OSBPL10: variants seen among roughly 807,000 people sequenced by gnomAD.
OSBPL10 encodes oxysterol binding protein like 10, also known as oxysterol-binding protein-related protein 10.
In OSBPL10, 49 loss-of-function variants were observed where a neutral mutation model predicts 81.7. The ratio of observed to expected loss-of-function variants is 0.60; its 90% confidence interval spans 0.48 to 0.76. The LOEUF (loss-of-function observed/expected upper bound fraction) is 0.76. OSBPL10 is among the 30% of genes least tolerant of loss of function. OSBPL10 has a pLI of 0.00. For missense variants in OSBPL10, 923 were observed against 987.8 expected, an observed-to-expected ratio of 0.93 and a Z score of 0.88; for synonymous variants, 419 against 383.6, an observed-to-expected ratio of 1.09 and a Z score of -1.08.
chr3:31,747,499 A>AC (rs1697563226), intron 5 of OSBPL10, among the ~76,000 whole-genome samples: 1 of 151,334 alleles, frequency 6.6e-6, no homozygotes, highest in Non-Finnish European at 1.5e-5. Flanking sequence ...AAAAAAAAAA[A>AC]AAAAAAAAAA....
chr3:31,838,143 C>T (rs181966147), intron 3 of OSBPL10, among the ~76,000 whole-genome samples: 75 of 152,240 alleles, frequency 4.9e-4, no homozygotes, highest in African/African-American at 1.6e-3. Context: ...AATGGAAATA[C>T]GCACACATAC....
At chr3:31,835,572 T>C (rs1160092183) in intron 3 of OSBPL10, among the ~76,000 whole-genome samples, 1 of 152,212 alleles carries the variant, frequency 6.6e-6, no homozygotes, top group African/African-American at 2.4e-5. Flanking sequence ...AAATGACATT[T>C]ACTTTGGAAC....
intron 5 of OSBPL10, among the ~76,000 whole-genome samples, chr3:31,743,747 AGACGGGCCTTCCTGCCC>A (rs1222438965): frequency 2.0e-5 from 3 of 152,236 alleles, no homozygotes; most frequent in African/African-American, 4.8e-5. Flanking sequence ...GCTTCAGGTA[AGACGGGCCTTCCTGCCC>A]ATCGAACACT....
intron 1 of OSBPL10, among the ~76,000 whole-genome samples, chr3:32,067,589 C>A (rs1298344550): frequency 6.6e-6 from 1 of 152,172 alleles, no homozygotes; most frequent in Non-Finnish European, 1.5e-5. Flanking sequence ...TGATGACATT[C>A]CACCATTGTG....
At chr3:31,731,663 A>AT (rs1484941920) in intron 6 of OSBPL10, among the ~76,000 whole-genome samples, 1 of 151,690 alleles carries the variant, frequency 6.6e-6, no homozygotes, top group African/African-American at 2.4e-5. Context: ...TAATTTTTGT[A>AT]TTTTTAGTAG....
intron 1 of OSBPL10, among the ~76,000 whole-genome samples, chr3:32,059,327 G>A (rs556222570): frequency 4.7e-5 from 7 of 149,890 alleles, no homozygotes; most frequent in East Asian, 2.0e-4. Context: ...AGTGGCTCAC[G>A]CCTGTAATCC....
At chr3:31,700,531 C>T (rs1281295293) in intron 7 of OSBPL10, 1 of 152,088 alleles carries the variant, frequency 6.6e-6, no homozygotes, top group Admixed American at 6.6e-5. Context: ...TTACCCAGTA[C>T]ACATGTATCA....
At chr3:31,738,538 C>T (rs889413663) in intron 5 of OSBPL10, among the ~76,000 whole-genome samples, 2 of 152,142 alleles carry the variant, frequency 1.3e-5, no homozygotes, top group Non-Finnish European at 2.9e-5. Context: ...AAATGTCTTT[C>T]CCCGGTAAGA....
chr3:31,962,922 A>C (rs1004810575), intron 1 of OSBPL10, among the ~76,000 whole-genome samples: 1 of 152,248 alleles, frequency 6.6e-6, no homozygotes, highest in Non-Finnish European at 1.5e-5. Flanking sequence ...TGGATCTTGC[A>C]ATACAATGAC....
At chr3:31,663,392 T>TA in intron 11 of OSBPL10, 1 of 986,620 alleles carries the variant, frequency 1.0e-6, no homozygotes, top group Non-Finnish European at 1.2e-6. Flanking sequence ...GGGCCTGCTT[T>TA]AAGACGTGTG....
intron 7 of OSBPL10, among the ~76,000 whole-genome samples, chr3:31,690,551 C>T (rs1452324430): frequency 6.6e-6 from 1 of 152,182 alleles, no homozygotes; most frequent in Non-Finnish European, 1.5e-5. Context: ...ACTGGGAATG[C>T]AATACCTGAG....
At chr3:31,823,116 T>G (rs1700020243) in intron 4 of OSBPL10, among the ~76,000 whole-genome samples, 1 of 152,120 alleles carries the variant, frequency 6.6e-6, no homozygotes, top group Non-Finnish European at 1.5e-5. Context: ...GTCATCTAGA[T>G]GTACACTCAC....
chr3:31,769,653 G>C (rs1314853645), intron 4 of OSBPL10, among the ~76,000 whole-genome samples: 1 of 150,964 alleles, frequency 6.6e-6, no homozygotes, highest in African/African-American at 2.4e-5. Context: ...GACTGTAGCT[G>C]TGCAGACTAC....
At chr3:31,725,090 T>C (rs1265160069) in intron 6 of OSBPL10, among the ~76,000 whole-genome samples, 1 of 152,194 alleles carries the variant, frequency 6.6e-6, no homozygotes, top group Non-Finnish European at 1.5e-5. Context: ...AGAATAATTA[T>C]AACTATTATG....
intron 2 of OSBPL10, among the ~76,000 whole-genome samples, chr3:32,026,058 G>GATA (rs1699406923): frequency 1.2e-4 from 2 of 16,800 alleles, no homozygotes; most frequent in African/African-American, 4.4e-4. Flanking sequence ...ATAGATAGAT[G>GATA]ATAGATAGAT....
chr3:31,977,507 C>T, intron 1 of OSBPL10, among the ~76,000 whole-genome samples: 1 of 152,166 alleles, frequency 6.6e-6, no homozygotes, highest in East Asian at 1.9e-4. Context: ...CAACTAGGTG[C>T]TAGGTCATCT....
chr3:31,969,039 C>A lies in OSBPL10; in HGVS notation c.281+11860G>T, dbSNP rs6787675. ...GCCACTAAATGAGTCTGCTGCAGTA[C>A]ACACACAAAAAAGTTCTGTGCTGTG... On this transcript the variant is annotated intron_variant, in intron 1 of 11. Coordinates refer to ENST00000396556, the MANE Select transcript of OSBPL10 (RefSeq NM_017784.5). Among the ~76,000 whole-genome samples, 1,371 of 152,242 alleles carry A rather than the reference C, an allele frequency of 9.0e-3. 15 individuals are homozygous for A. The highest frequency in any genetic ancestry group is 0.031 in the African/African-American group (1,294 of 41,550).
At chr3:31,670,770 G>GCCAGAGTC in intron 9 of OSBPL10, 27 bp downstream of exon 9, 1 of 1,596,976 alleles carries the variant, frequency 6.3e-7, no homozygotes, top group Non-Finnish European at 8.6e-7. Context: ...TTAAGACAAA[G>GCCAGAGTC]CCAGAGTCTC....
At chr3:31,914,850 C>A (rs1213028710) in intron 1 of OSBPL10, among the ~76,000 whole-genome samples, 2 of 152,212 alleles carry the variant, frequency 1.3e-5, no homozygotes, top group Non-Finnish European at 1.5e-5. Context: ...CCATATTGGA[C>A]AACATACCTA....
Sources: allele counts gnomAD v4.1 joint callset (sites outside exome capture counted in the v4.1 genomes callset), GRCh38; gene constraint gnomAD v4.1.1; transcripts MANE v1.5; gene names NCBI Gene and HGNC (gene_info 2026-07-23, HGNC 2026-07-21).